RSF1: variants seen among roughly 807,000 people sequenced by gnomAD.
The protein encoded by RSF1 is remodeling and spacing factor 1.
In RSF1, 13 loss-of-function variants were observed where a neutral mutation model predicts 145.2. The ratio of observed to expected loss-of-function variants is 0.09; its 90% CI spans 0.06 to 0.14. RSF1 has a LOEUF of 0.14. Ranked by LOEUF, RSF1 falls within the 10% of genes least tolerant of loss-of-function variation. The pLI is 1.00. For missense variants in RSF1, 1,517 were observed against 1,718.2 expected (o/e 0.88, Z 2.07); for synonymous variants, 577 against 592.6 (o/e 0.97, Z 0.38).
chr11:77,840,885 G>T, the RSF1 span: 1 of 291,212 alleles, frequency 3.4e-6, no homozygotes, highest in Non-Finnish European at 6.4e-6. Context: ...TTATTTGTGT[G>T]TGGGGGTTTA....
Position 77,666,983 on chromosome 11 carries a change from C to T in RSF1, c.4260G>A (p.Glu1420=), listed in dbSNP as rs764516166. 3.1e-6 allele frequency: 5 copies of T among 1,609,602 alleles called. No individual in the cohort carries two copies. The Admixed American group carries it at 6.7e-5, about 22-fold the overall frequency. Reference sequence around the variant, plus strand: ...TCACTCTCAAAAGCTCATCTTCCTCCTCTTCTGGTGCTCCTGCCTCCTGCC... The same window carrying T: ...TCACTCTCAAAAGCTCATCTTCCTCTTCTTCTGGTGCTCCTGCCTCCTGCC... ...SGGQEAGAPE[E]EEDELLRVTD... is the part of the protein sequence containing the mutation. The change falls in exon 16 of 16, where the codon GAG becomes GAA. Residue 1420 remains glutamate (E), a synonymous_variant. Coordinates refer to ENST00000308488, the MANE Select transcript of RSF1 (RefSeq NM_016578.4).
At chr11:77,775,428 A>C (rs1948332444) in intron 1 of RSF1, among the ~76,000 whole-genome samples, 1 of 152,182 alleles carries the variant, frequency 6.6e-6, no homozygotes, top group African/African-American at 2.4e-5. Context: ...TCACTAACCG[A>C]AGAGGGCTCA....
chr11:77,747,865 A>G (rs1430356132), intron 2 of RSF1, among the ~76,000 whole-genome samples: 1 of 152,228 alleles, frequency 6.6e-6, no homozygotes, highest in Non-Finnish European at 1.5e-5. Context: ...TTTTTCAGCA[A>G]TAAAACTGGA....
intron 1 of RSF1, among the ~76,000 whole-genome samples, chr11:77,766,856 G>A (rs1485342170): frequency 6.6e-6 from 1 of 152,122 alleles, no homozygotes; most frequent in Non-Finnish European, 1.5e-5. Flanking sequence ...TTAGGAGGTG[G>A]GGTGCAGGGC....
At position 77,728,054 on chromosome 11, in the gene RSF1, C is replaced by G. The variant is rs545946994; in HGVS notation, c.579-2355G>C. On this transcript the variant is annotated intron_variant, in intron 4 of 15. Transcript: ENST00000308488. Reference sequence around the variant, plus strand: ...GTACAGAATATTTTAGACTATGGACCCTAACAACAATCCAGTTGTTTTGCT... The same window carrying G: ...GTACAGAATATTTTAGACTATGGACGCTAACAACAATCCAGTTGTTTTGCT... Among the ~76,000 whole-genome samples the G allele has an allele frequency of 5.9e-5, 9 of 152,206 alleles. No homozygotes were observed. The East Asian group carries it at 1.7e-3, about 29-fold the overall frequency.
rs1337061392 is a variant in RSF1, at chr11:77,672,065, C to G, written c.3728G>C (p.Arg1243Thr). 2 of 1,612,748 alleles carry G rather than the reference C, an allele frequency of 1.2e-6. No individual in the cohort carries two copies. Among genetic ancestry groups the G allele is most frequent in the African/African-American group, 2.7e-5 (2 of 74,818 alleles). Residue 1243 changes from arginine to threonine, a missense_variant, in exon 15 of 16, where the codon AGA becomes ACA. Arg to Thr is a moderately conservative substitution (Grantham distance 71). Coordinates refer to ENST00000308488, the MANE Select transcript of RSF1 (RefSeq NM_016578.4). ...GKEIRRVHKRRLSSSESEESY... is the reference protein window; with the variant it reads ...GKEIRRVHKRTLSSSESEESY... ...ACCTTCACTCTCTGAGCTGGAAAGT[C>G]TTCGCTTGTGTACTCGCCTTATTTC...
rs1010030023 is a variant in RSF1, at chr11:77,820,607, C to G, written c.108G>C (p.Leu36=). ...GGAACGGCAACTCAGGCAGGTCTAG[C>G]AGCGGCCCGTAGCGCTCCAAGAAGG... ...VCSFLERYGP[L]LDLPELPFPE... The change falls in exon 1 of 16, where the codon CTG becomes CTC. Residue 36 remains leucine (L), a synonymous_variant. Coordinates refer to ENST00000308488, the MANE Select transcript of RSF1 (RefSeq NM_016578.4). The G allele has an allele frequency of 6.4e-7, 1 of 1,566,996 alleles. No individual in the cohort carries two copies. The highest frequency in any genetic ancestry group is 1.3e-5 in the African/African-American group (1 of 74,074).
intron 4 of RSF1, among the ~76,000 whole-genome samples, chr11:77,730,596 C>T (rs2135894691): frequency 6.6e-6 from 1 of 152,256 alleles, no homozygotes; most frequent in East Asian, 1.9e-4. Flanking sequence ...ATAGATGATA[C>T]AGTTTGGCTG....
the RSF1 span, among the ~76,000 whole-genome samples, chr11:77,846,304 G>A: frequency 6.6e-6 from 1 of 152,110 alleles, no homozygotes; most frequent in Non-Finnish European, 1.5e-5. Context: ...GATCTTTTGA[G>A]GTCAATTTCT....
chr11:77,802,770 C>G (rs1333808995), intron 1 of RSF1, among the ~76,000 whole-genome samples: 1 of 151,956 alleles, frequency 6.6e-6, no homozygotes, highest in African/African-American at 2.4e-5. Context: ...AGGCTGGTCT[C>G]GAACTCCTGA....
chr11:77,791,968 C>T (rs1165634049), intron 1 of RSF1, among the ~76,000 whole-genome samples: 2 of 152,178 alleles, frequency 1.3e-5, no homozygotes, highest in Non-Finnish European at 2.9e-5. Context: ...TTTTCAGCAA[C>T]ACCCCACTCT....
chr11:77,780,468 G>A (rs1331896604), intron 1 of RSF1, among the ~76,000 whole-genome samples: 1 of 152,196 alleles, frequency 6.6e-6, no homozygotes, highest in Non-Finnish European at 1.5e-5. Context: ...AGGAAGTTTA[G>A]TGAGCTTGCT....
Position 77,680,492 on chromosome 11 carries a change from A to T in RSF1, c.3066-2339T>A, listed in dbSNP as rs192117142. 1.3e-3 allele frequency among the ~76,000 whole-genome samples: 201 copies of T among 151,548 alleles called. 1 individual carries two copies. The highest frequency in any genetic ancestry group is 3.4e-3 in the Middle Eastern group (1 of 292). ...AGGCTGGAAGTGGCTGTATACACCC[A>T]TAGTCCCAACTATTTGGGAGGCTGA... On this transcript the variant is annotated intron_variant, in intron 11 of 15. Transcript: ENST00000308488.
the RSF1 span, among the ~76,000 whole-genome samples, chr11:77,856,608 T>C: frequency 6.6e-6 from 1 of 152,166 alleles, no homozygotes; most frequent in Non-Finnish European, 1.5e-5. Flanking sequence ...GAAGCATAGC[T>C]GGGGAGCCTC....
chr11:77,782,278 C>T (rs1444852920), intron 1 of RSF1, among the ~76,000 whole-genome samples: 6 of 152,168 alleles, frequency 3.9e-5, no homozygotes, highest in Non-Finnish European at 5.9e-5. Context: ...TGGTGGCTCA[C>T]GCCTGTAATC....
At chr11:77,823,942 A>G (rs1949055978), upstream of RSF1, among the ~76,000 whole-genome samples, 1 of 151,972 alleles carries the variant, frequency 6.6e-6, no homozygotes, top group African/African-American at 2.4e-5. Flanking sequence ...CTTTATTACT[A>G]TAGTTTTCTT....
At chr11:77,699,661 T>A (rs1372683127) in intron 6 of RSF1, among the ~76,000 whole-genome samples, 4 of 152,188 alleles carry the variant, frequency 2.6e-5, no homozygotes, top group Non-Finnish European at 2.9e-5. Flanking sequence ...GGTAATAAGA[T>A]GCTATATTAA....
At chr11:77,784,379 T>A (rs1196661899) in intron 1 of RSF1, among the ~76,000 whole-genome samples, 1 of 152,144 alleles carries the variant, frequency 6.6e-6, no homozygotes, top group Non-Finnish European at 1.5e-5. Flanking sequence ...TTTCATTATG[T>A]TCATATTTTT....
At chr11:77,749,362 C>T (rs1242520023) in intron 2 of RSF1, among the ~76,000 whole-genome samples, 4 of 152,002 alleles carry the variant, frequency 2.6e-5, no homozygotes, top group African/African-American at 9.7e-5. Flanking sequence ...ATGCAGAGTC[C>T]AGCTATGACC....
Sources: gnomAD v4.1 joint callset for allele counts (sites outside exome capture counted in the v4.1 genomes callset) on GRCh38, gnomAD v4.1.1 for gene constraint, MANE v1.5 for transcripts, NCBI Gene and HGNC (gene_info 2026-07-23, HGNC 2026-07-21) for gene names.